Variants in VAV2 observed in about 807,000 individuals in gnomAD.
The protein encoded by VAV2 is vav guanine nucleotide exchange factor 2.
A neutral mutation model predicts 132.5 loss-of-function variants in VAV2; 67 were observed. The ratio of observed to expected loss-of-function variants is 0.51; its 90% CI spans 0.42 to 0.62. VAV2 has a LOEUF of 0.62. Among genes scored for constraint, VAV2 ranks in the 20% least tolerant of loss-of-function variants. VAV2 has a pLI of 0.00. For missense variants in VAV2, 938 were observed against 1,153.6 expected (o/e 0.81, Z 2.71); for synonymous variants, 492 against 443.5 (o/e 1.11, Z -1.37).
Position 133,770,505 on chromosome 9 carries a change from CA to C in VAV2, c.2224-5del. 3 of 1,613,776 alleles carry C rather than the reference CA, an allele frequency of 1.9e-6. No homozygotes were observed. Among genetic ancestry groups the C allele is most frequent in the Non-Finnish European group, 2.5e-6 (3 of 1,179,790 alleles). Reference sequence around the variant, plus strand: ...ACTGGTAGTACTCCACCAACTCCTGCAGGGCGTACACACTCACTGACAGCTG... The same window carrying C: ...ACTGGTAGTACTCCACCAACTCCTGCGGGCGTACACACTCACTGACAGCTG... On this transcript the variant is annotated splice_region_variant and splice_polypyrimidine_tract_variant and intron_variant, in intron 26 of 29. Transcript: ENST00000371850.
At position 133,936,058 on chromosome 9, in the gene VAV2, G is replaced by A. The variant is rs937374032; in HGVS notation, c.321+3045C>T. ...AGACCCTGCACACATGGCTTGACCC[G>A]CTCAAGGGAACTTTGAGGGTGGGAG... On this transcript the variant is annotated intron_variant, in intron 2 of 29. Coordinates refer to ENST00000371850, the MANE Select transcript of VAV2 (RefSeq NM_001134398.2). 3.9e-5 allele frequency among the ~76,000 whole-genome samples: 6 copies of A among 152,096 alleles called. No homozygotes were observed. The South Asian group carries it at 8.3e-4, about 21-fold the overall frequency.
intron 2 of VAV2, among the ~76,000 whole-genome samples, chr9:133,914,065 G>A (rs1268332935): frequency 6.6e-6 from 1 of 152,226 alleles, no homozygotes; most frequent in East Asian, 1.9e-4. Context: ...GATGCTCACC[G>A]CAAACCCCTG....
chr9:133,861,406 G>A lies in VAV2; in HGVS notation c.348C>T (p.Ser116=). 1.2e-6 allele frequency: 2 copies of A among 1,613,534 alleles called. No individual in the cohort carries two copies. The highest frequency in any genetic ancestry group is 1.3e-5 in the African/African-American group (1 of 75,038). Residue 116 remains serine (S), a synonymous_variant, in exon 3 of 30, where the codon TCC becomes TCT. Transcript: ENST00000371850. ...GKVISAVSRL[S]LHSIAQNKGI... The stretch of plus-strand genomic sequence containing the variant: ...CTTTGTTCTGCGCGATGCTGTGCAG[G>A]GAGAGCCTCGACACCGCGGAGATGA...
At chr9:133,903,188 G>A (rs1042162398) in intron 2 of VAV2, among the ~76,000 whole-genome samples, 2 of 149,038 alleles carry the variant, frequency 1.3e-5, no homozygotes, top group African/African-American at 2.6e-5. Context: ...AGAGTGCCCC[G>A]GGACACAGTC....
intron 1 of VAV2, among the ~76,000 whole-genome samples, chr9:133,955,311 C>T (rs1038743491): frequency 6.6e-5 from 10 of 151,918 alleles, no homozygotes; most frequent in Non-Finnish European, 1.0e-4. Flanking sequence ...GCCCCATACC[C>T]GATGCCAAGG....
intron 1 of VAV2, among the ~76,000 whole-genome samples, chr9:133,955,603 A>C (rs933617620): frequency 8.9e-5 from 1 of 11,224 alleles, no homozygotes; most frequent in Non-Finnish European, 1.6e-4. Flanking sequence ...GATCCTCCCC[A>C]CACCCCCACT....
At chr9:133,940,576 G>A (rs1841101582) in intron 1 of VAV2, among the ~76,000 whole-genome samples, 1 of 152,034 alleles carries the variant, frequency 6.6e-6, no homozygotes, top group Non-Finnish European at 1.5e-5. Context: ...AGCCCCTTCT[G>A]CCTCAGGCCA....
intron 2 of VAV2, among the ~76,000 whole-genome samples, chr9:133,873,663 G>GC (rs1387989816): frequency 3.9e-5 from 6 of 152,220 alleles, no homozygotes; most frequent in Non-Finnish European, 8.8e-5. Flanking sequence ...TGAGGCAGCT[G>GC]CATCAGGCGG....
chr9:133,902,603 A>G (rs540154306), intron 2 of VAV2, among the ~76,000 whole-genome samples: 2 of 152,232 alleles, frequency 1.3e-5, no homozygotes, highest in Non-Finnish European at 2.9e-5. Flanking sequence ...TGCTCAAAAG[A>G]AAAATGAGGG....
At position 133,900,004 on chromosome 9, in the gene VAV2, G is replaced by A. The variant is rs1266429351; in HGVS notation, c.322-38572C>T. Reference sequence around the variant, plus strand: ...CCACTGCACTCCAGCCTGGGCGACAGAGCAAGACTCCATCTCAAAAAAAAT... The same window carrying A: ...CCACTGCACTCCAGCCTGGGCGACAAAGCAAGACTCCATCTCAAAAAAAAT... On this transcript the variant is annotated intron_variant, in intron 2 of 29. Coordinates refer to ENST00000371850, the MANE Select transcript of VAV2 (RefSeq NM_001134398.2). Among the ~76,000 whole-genome samples the A allele has an allele frequency of 7.5e-5, 11 of 147,246 alleles. No homozygotes were observed. In the South Asian group the frequency reaches 2.4e-3, roughly 32 times the overall value.
At chr9:133,968,688 G>C (rs1166099301) in intron 1 of VAV2, among the ~76,000 whole-genome samples, 1 of 152,200 alleles carries the variant, frequency 6.6e-6, no homozygotes, top group African/African-American at 2.4e-5. Flanking sequence ...GTAGCCGGGA[G>C]AGAGAGCCAC....
chr9:133,828,289 TGGGGCTGACC>T lies in VAV2; in HGVS notation c.449+5973_449+5982del. ...CATCGCCAGCTACCGCTGCGCCCACTGGGGCTGACCACTGAGTGGGGGCATCACCACCTAC... is the reference window on the plus strand; with the variant it reads ...CATCGCCAGCTACCGCTGCGCCCACTACTGAGTGGGGGCATCACCACCTAC... On this transcript the variant is annotated intron_variant, in intron 4 of 29. Coordinates refer to ENST00000371850, the MANE Select transcript of VAV2 (RefSeq NM_001134398.2). Among the ~76,000 whole-genome samples, 6 of 108,316 alleles carry T rather than the reference TGGGGCTGACC, an allele frequency of 5.5e-5. 2 individuals are homozygous for T. Among genetic ancestry groups the T allele is most frequent in the Non-Finnish European group, 1.2e-4 (6 of 50,716 alleles). The allele number at this position is 108,316 out of a possible 152,430, so 71.1% of individuals were successfully genotyped here. A position where few individuals can be genotyped will look rare whatever the true frequency, so the allele number is the denominator to read the frequency against.
chr9:133,889,010 T>TC (rs1292008219), intron 2 of VAV2, among the ~76,000 whole-genome samples: 2 of 152,096 alleles, frequency 1.3e-5, no homozygotes, highest in Non-Finnish European at 2.9e-5. Context: ...CGCGTCCCCG[T>TC]CCCTGGGGAA....
intron 2 of VAV2, among the ~76,000 whole-genome samples, chr9:133,886,585 TG>T (rs1038880907): frequency 2.0e-5 from 3 of 152,132 alleles, no homozygotes; most frequent in Admixed American, 6.5e-5. Context: ...CGCCTGTGTC[TG>T]GGGGGTGCAA....
rs1245583374 is a variant in VAV2 at position 133,824,889 on chromosome 9, C to A, written c.449+9383G>T. Among the ~76,000 whole-genome samples the A allele has an allele frequency of 6.6e-6, 1 of 152,210 alleles. No homozygotes were observed. Among genetic ancestry groups the A allele is most frequent in the African/African-American group, 2.4e-5 (1 of 41,454 alleles). On this transcript the variant is annotated intron_variant, in intron 4 of 29. Transcript: ENST00000371850. This position sits in a 1 kb window ranked among gnomAD's most constrained non-coding sequence, Gnocchi z 5.2. ...TCCAGCGAGAGGGCTCAGGGCCCGG[C>A]CTGCAGCGCTCAGGGAGATGCAACT...
rs1842298463 is a variant in VAV2 at position 133,970,585 on chromosome 9, A to T, written c.204+21490T>A. Among the ~76,000 whole-genome samples, 3 of 152,168 alleles carry T rather than the reference A, an allele frequency of 2.0e-5. No homozygotes were observed. The South Asian group carries it at 6.2e-4, about 31-fold the overall frequency. On this transcript the variant is annotated intron_variant, in intron 1 of 29. Coordinates refer to ENST00000371850, the MANE Select transcript of VAV2 (RefSeq NM_001134398.2). ...TTGACAGACACATGTGGGGCTGCAGAGATGGAGGTGGCTCCTTCCCTGGGC... is the reference window on the plus strand; with the variant it reads ...TTGACAGACACATGTGGGGCTGCAGTGATGGAGGTGGCTCCTTCCCTGGGC...
intron 6 of VAV2, among the ~76,000 whole-genome samples, 157 bp downstream of exon 6, chr9:133,810,034 G>T (rs988931443): frequency 6.6e-6 from 1 of 151,722 alleles, no homozygotes; most frequent in Non-Finnish European, 1.5e-5. Flanking sequence ...GACCACGGGG[G>T]TGCCGAGGGT....
At chr9:133,904,092 T>C (rs771247220) in intron 2 of VAV2, among the ~76,000 whole-genome samples, 1 of 152,214 alleles carries the variant, frequency 6.6e-6, no homozygotes, top group Non-Finnish European at 1.5e-5. Flanking sequence ...TATTTTGAGC[T>C]GCTTCCTATC....
chr9:133,867,805 T>G (rs1837866794), intron 2 of VAV2, among the ~76,000 whole-genome samples: 1 of 152,254 alleles, frequency 6.6e-6, no homozygotes, highest in South Asian at 2.1e-4. Context: ...CGACTGAGGA[T>G]GCTAACAACT....
Sources: gnomAD v4.1 joint callset for allele counts (sites outside exome capture counted in the v4.1 genomes callset) on GRCh38, gnomAD v4.1.1 for gene constraint, Gnocchi (gnomAD v3.1) non-coding constraint, MANE v1.5 for transcripts, NCBI Gene and HGNC (gene_info 2026-07-23, HGNC 2026-07-21) for gene names.